NPSR1: variants seen among roughly 807,000 people sequenced by gnomAD.
The protein encoded by NPSR1 is neuropeptide S receptor 1, also known as neuropeptide S receptor.
NPSR1 carries 48 observed loss-of-function variants against 46.9 expected under a neutral mutation model. That is an observed-to-expected ratio of 1.02 (90% CI 0.81 to 1.30). The LOEUF (loss-of-function observed/expected upper bound fraction) is 1.30, where lower values mean the gene tolerates loss of function less well. NPSR1 is among the 50% of genes most tolerant of loss of function. The pLI, the probability that NPSR1 is intolerant of heterozygous loss-of-function variation, is 0.00. For missense variants in NPSR1, 450 were observed against 449.5 expected, an observed-to-expected ratio of 1.00 and a Z score of -0.01; for synonymous variants, 176 against 168.1, an observed-to-expected ratio of 1.05 and a Z score of -0.36.
intron 8 of NPSR1, among the ~76,000 whole-genome samples, chr7:34,874,932 G>A (rs1012872403): frequency 8.6e-5 from 13 of 152,030 alleles, no homozygotes; most frequent in African/African-American, 2.2e-4. Flanking sequence ...GCTTTTTTCA[G>A]CAATAGATGT....
At chr7:34,876,379 T>C (rs1437117221) in intron 8 of NPSR1, among the ~76,000 whole-genome samples, 1 of 152,220 alleles carries the variant, frequency 6.6e-6, no homozygotes, top group Non-Finnish European at 1.5e-5. Flanking sequence ...TACGTGGTGA[T>C]ATGCCAATGA....
chr7:34,857,139 AATG>A (rs1250632577), intron 8 of NPSR1, among the ~76,000 whole-genome samples: 2 of 151,864 alleles, frequency 1.3e-5, no homozygotes, highest in East Asian at 3.9e-4. Context: ...AAACTAATGA[AATG>A]CAGAAATATA....
chr7:34,787,809 T>C (rs1004452463), intron 3 of NPSR1, among the ~76,000 whole-genome samples: 3 of 152,084 alleles, frequency 2.0e-5, no homozygotes, highest in Non-Finnish European at 2.9e-5. Flanking sequence ...TGTCACCTTA[T>C]ATGGATGTGA....
intron 2 of NPSR1, chr7:34,757,941 A>C (rs1329224539): frequency 6.5e-6 from 1 of 152,708 alleles, no homozygotes; most frequent in African/African-American, 2.4e-5. Context: ...TGGAAAGAAG[A>C]GTTTCATTGC....
intron 1 of NPSR1, among the ~76,000 whole-genome samples, chr7:34,678,636 C>T (rs929507068): frequency 6.6e-6 from 1 of 151,876 alleles, no homozygotes; most frequent in Non-Finnish European, 1.5e-5. Flanking sequence ...ACCATCTTGG[C>T]TAACACAGTG....
chr7:34,675,787 G>T (rs540492469), intron 1 of NPSR1, among the ~76,000 whole-genome samples: 2 of 152,366 alleles, frequency 1.3e-5, no homozygotes, highest in African/African-American at 2.4e-5. Context: ...TCACTGTGTA[G>T]CCTGACTAAC....
At chr7:34,669,950 C>G (rs1205342358) in intron 1 of NPSR1, among the ~76,000 whole-genome samples, 1 of 152,150 alleles carries the variant, frequency 6.6e-6, no homozygotes, top group African/African-American at 2.4e-5. Context: ...AGCATTAATT[C>G]TCTAGGTGAA....
chr7:34,682,485 G>A (rs1218323340), intron 1 of NPSR1, among the ~76,000 whole-genome samples: 2 of 152,216 alleles, frequency 1.3e-5, no homozygotes, highest in African/African-American at 2.4e-5. Context: ...CATGGTGTCA[G>A]TGAGACCTTC....
chr7:34,830,094 G>C (rs1441903143), intron 5 of NPSR1, among the ~76,000 whole-genome samples: 1 of 152,216 alleles, frequency 6.6e-6, no homozygotes, highest in Non-Finnish European at 1.5e-5. Context: ...AGGCCCTGGG[G>C]GGGCGAGTTT....
At chr7:34,694,862 A>G (rs960214313) in intron 2 of NPSR1, among the ~76,000 whole-genome samples, 2 of 152,140 alleles carry the variant, frequency 1.3e-5, no homozygotes, top group African/African-American at 4.8e-5. Context: ...GGTGCGCATC[A>G]CCATGCCCAG....
At chr7:34,786,075 T>TA in intron 3 of NPSR1, among the ~76,000 whole-genome samples, 1 of 152,156 alleles carries the variant, frequency 6.6e-6, no homozygotes, top group Admixed American at 6.6e-5. Flanking sequence ...TCCTTACATA[T>TA]AAAAAATTAT....
chr7:34,774,166 A>G (rs1786828443), intron 2 of NPSR1, among the ~76,000 whole-genome samples: 1 of 152,166 alleles, frequency 6.6e-6, no homozygotes, highest in South Asian at 2.1e-4. Context: ...GCTACCCCAT[A>G]ATTCAGCTGT....
At position 34,770,423 on chromosome 7, in the gene NPSR1, G is replaced by A. The variant is rs899181546; in HGVS notation, c.281-8039G>A. ...TGACACTTTGGATTATAGATCCCAT[G>A]TGCTTGCCAATGCTTTTTTTGTTAA... On this transcript the variant is annotated intron_variant, in intron 2 of 8. Transcript: ENST00000360581. 4.6e-5 allele frequency among the ~76,000 whole-genome samples: 7 copies of A among 152,154 alleles called. 1 individual carries two copies. The highest frequency in any genetic ancestry group is 1.0e-4 in the Non-Finnish European group (7 of 68,032).
chr7:34,790,974 T>TTATATGTTATATTATATATTA (rs1562730234), intron 3 of NPSR1, among the ~76,000 whole-genome samples: 1 of 72,292 alleles, frequency 1.4e-5, no homozygotes, highest in African/African-American at 4.6e-5. Flanking sequence ...ATTATATATG[T>TTATATGTTATATTATATATTA]TATATGTTAT....
Position 34,752,130 on chromosome 7 carries a change from C to T in NPSR1, c.281-26332C>T. ...GACCAACTTAAAATTACAAAGTTTTCCAGAGCTTATATACCTTCCAAACTA... is the reference window on the plus strand; with the variant it reads ...GACCAACTTAAAATTACAAAGTTTTTCAGAGCTTATATACCTTCCAAACTA... On this transcript the variant is annotated intron_variant, in intron 2 of 8. Coordinates refer to ENST00000360581, the MANE Select transcript of NPSR1 (RefSeq NM_207172.2). 3 of 498,446 alleles carry T rather than the reference C, an allele frequency of 6.0e-6. No homozygotes were observed. In the South Asian group the frequency reaches 6.0e-5, roughly 10 times the overall value. 30.9% of individuals were successfully genotyped at this position (498,446 alleles called of 1,614,324 possible).
chr7:34,793,259 A>G (rs1164580654), intron 3 of NPSR1, among the ~76,000 whole-genome samples: 1 of 152,136 alleles, frequency 6.6e-6, no homozygotes, highest in African/African-American at 2.4e-5. Context: ...TCAACAGAGT[A>G]AAGATACAGT....
intron 1 of NPSR1, among the ~76,000 whole-genome samples, chr7:34,676,984 C>T (rs1433909797): frequency 6.6e-6 from 1 of 152,164 alleles, no homozygotes; most frequent in Non-Finnish European, 1.5e-5. Context: ...CAGAGCTCCT[C>T]GGACTTACCA....
rs73325837 is a variant in NPSR1, at chr7:34,747,603, A to C, written c.281-30859A>C. 9.5e-4 allele frequency among the ~76,000 whole-genome samples: 145 copies of C among 151,958 alleles called. 1 individual carries two copies. Among genetic ancestry groups the C allele is most frequent in the African/African-American group, 3.5e-3 (143 of 41,434 alleles). ...TAACAGATGATACCAAGAACCAGGC[A>C]TCTTAGACACACACACACATACACA... is the stretch of plus-strand genomic sequence containing the variant. On this transcript the variant is annotated intron_variant, in intron 2 of 8. Transcript: ENST00000360581.
intron 8 of NPSR1, among the ~76,000 whole-genome samples, chr7:34,874,336 A>G (rs10268842): frequency 0.013 from 2,006 of 152,338 alleles, 34 homozygotes; most frequent in African/African-American, 0.044. Flanking sequence ...ATTTTAAAAC[A>G]TAGTGGTGTC....
Sources: allele counts gnomAD v4.1 joint callset (sites outside exome capture counted in the v4.1 genomes callset), GRCh38; gene constraint gnomAD v4.1.1; transcripts MANE v1.5; gene names NCBI Gene and HGNC (gene_info 2026-07-23, HGNC 2026-07-21).